CAND1: variants seen among roughly 807,000 people sequenced by gnomAD.
CAND1 encodes the protein cullin associated and neddylation dissociated 1.
In CAND1, 7 loss-of-function variants were observed where a neutral mutation model predicts 108.5. The observed-to-expected ratio is 0.06, with a 90% confidence interval of 0.04 to 0.12. The LOEUF is 0.12. Ranked by LOEUF, CAND1 falls within the 10% of genes least tolerant of loss-of-function variation. The pLI is 1.00. For synonymous variants in CAND1, 534 were observed against 512.0 expected, an observed-to-expected ratio of 1.04 and a Z score of -0.58; for missense variants, 941 against 1,448.7, an observed-to-expected ratio of 0.65 and a Z score of 5.69.
At chr12:67,273,349 TA>T (rs1367776726) in intron 1 of CAND1, among the ~76,000 whole-genome samples, 10 of 152,108 alleles carry the variant, frequency 6.6e-5, no homozygotes, top group Non-Finnish European at 1.5e-4. Flanking sequence ...GTAAACCTTA[TA>T]ATGTAGCCAA....
Position 67,310,190 on chromosome 12 carries a change from T to G in CAND1, c.3234T>G (p.Gly1078=). 1 of 1,613,132 alleles carries G rather than the reference T, an allele frequency of 6.2e-7. No individual in the cohort carries two copies. The highest frequency in any genetic ancestry group is 8.5e-7 in the Non-Finnish European group (1 of 1,179,346). ...MGPFKHTVDD[G]LDIRKAAFEC... is the part of the protein sequence containing the mutation. ...CATTTAAACATACGGTTGATGATGG[T>G]CTGGATATTAGAAAGGCAGCATTTG... The change falls in exon 13 of 15, where the codon GGT becomes GGG. Residue 1078 remains glycine (G), a synonymous_variant. Coordinates refer to ENST00000545606, the MANE Select transcript of CAND1 (RefSeq NM_018448.5).
chr12:67,297,676 T>C lies in CAND1; in HGVS notation c.748+13T>C. 1.2e-6 allele frequency: 2 copies of C among 1,601,078 alleles called. No individual in the cohort carries two copies. The highest frequency in any genetic ancestry group is 1.1e-5 in the South Asian group (1 of 88,666). ...GGTCATAGAATAGGTAAGAAATCTT[T>C]AAAAGTTTTACAGTTTTCTTTAATT... is the stretch of plus-strand genomic sequence containing the variant. On this transcript the variant is annotated intron_variant, in intron 5 of 14. Coordinates refer to ENST00000545606, the MANE Select transcript of CAND1 (RefSeq NM_018448.5).
chr12:67,306,222 A>C lies in CAND1; in HGVS notation c.2554A>C (p.Ser852Arg), dbSNP rs2044883325. 6.2e-7 allele frequency: 1 copy of C among 1,614,012 alleles called. No homozygotes were observed. Among genetic ancestry groups the C allele is most frequent in the Non-Finnish European group, 8.5e-7 (1 of 1,179,996 alleles). ...LGEVGHHIDL[S>R]GQLELKSVIL... ...AGAAGTTGGGCATCATATTGACTTA[A>C]GTGGACAGTTGGAACTAAAATCTGT... is the stretch of plus-strand genomic sequence containing the variant. Residue 852 changes from serine to arginine, a missense_variant, in exon 10 of 15, where the codon AGT becomes CGT. Coordinates refer to ENST00000545606, the MANE Select transcript of CAND1 (RefSeq NM_018448.5).
intron 2 of CAND1, among the ~76,000 whole-genome samples, chr12:67,290,540 G>T (rs2044713184): frequency 6.6e-6 from 1 of 151,842 alleles, no homozygotes; most frequent in African/African-American, 2.4e-5. Context: ...CTAAAAATCT[G>T]ACTGTTAATG....
At chr12:67,289,394 A>G (rs948170700) in intron 2 of CAND1, among the ~76,000 whole-genome samples, 37 of 151,870 alleles carry the variant, frequency 2.4e-4, no homozygotes, top group African/African-American at 8.9e-4. Context: ...TAATAATAAC[A>G]TTCTCTTTTT....
chr12:67,302,271 G>C (rs561650489), intron 7 of CAND1, 52 bp from the exon 8 acceptor site: 3 of 1,479,090 alleles, frequency 2.0e-6, no homozygotes, highest in Non-Finnish European at 1.8e-6. Flanking sequence ...TGTTTTAAAT[G>C]ATATACTTCT....
intron 11 of CAND1, among the ~76,000 whole-genome samples, chr12:67,309,622 G>A (rs2044927567): frequency 6.6e-6 from 1 of 151,918 alleles, no homozygotes; most frequent in South Asian, 2.1e-4. Flanking sequence ...AAGTGATATT[G>A]AGGAACTTTA....
At chr12:67,274,830 C>T (rs1384310063) in intron 1 of CAND1, among the ~76,000 whole-genome samples, 1 of 152,048 alleles carries the variant, frequency 6.6e-6, no homozygotes, top group East Asian at 1.9e-4. Context: ...AAAAAAAACT[C>T]AAGCCTTTTA....
At chr12:67,291,345 A>G (rs1024513306) in intron 2 of CAND1, among the ~76,000 whole-genome samples, 1 of 152,202 alleles carries the variant, frequency 6.6e-6, no homozygotes, top group Non-Finnish European at 1.5e-5. Context: ...TAAAAGGCAC[A>G]TTGTTTTATA....
chr12:67,294,348 C>G (rs114261701), intron 3 of CAND1, among the ~76,000 whole-genome samples: 8 of 151,806 alleles, frequency 5.3e-5, no homozygotes, highest in Non-Finnish European at 7.4e-5. Flanking sequence ...AATGAAGTTA[C>G]GGAATCTTTG....
chr12:67,312,394 T>C (rs976444288), intron 14 of CAND1, among the ~76,000 whole-genome samples: 2 of 152,134 alleles, frequency 1.3e-5, no homozygotes, highest in African/African-American at 4.8e-5. Context: ...AGATTTTCTG[T>C]TTTTATAATG....
rs73320788 is a variant in CAND1 at position 67,317,860 on chromosome 12, C to T, written c.*5030C>T. 13,438 of 152,324 alleles carry T rather than the reference C, an allele frequency of 0.088. 1,303 individuals carry two copies. Among genetic ancestry groups the T allele is most frequent in the African/African-American group, 0.24 (10,008 of 41,496 alleles). The allele number at this position is 152,324 out of a possible 1,614,324, so 9.4% of individuals were successfully genotyped here. A position where few individuals can be genotyped will look rare whatever the true frequency, so the allele number is the denominator to read the frequency against. On this transcript the variant is annotated 3_prime_UTR_variant, in exon 15 of 15. Coordinates refer to ENST00000545606, the MANE Select transcript of CAND1 (RefSeq NM_018448.5). ...ATATCCAACCACCTGCTATACATCT[C>T]ATAAAGGTATCTCAAACACAGCATA...
chr12:67,277,574 CAAG>C (rs772580277), intron 1 of CAND1, among the ~76,000 whole-genome samples: 9 of 151,972 alleles, frequency 5.9e-5, no homozygotes, highest in Non-Finnish European at 1.3e-4. Flanking sequence ...TGAAATAGGC[CAAG>C]AAGAAGATGC....
At chr12:67,271,523 A>T (rs2044520819) in intron 1 of CAND1, among the ~76,000 whole-genome samples, 1 of 152,254 alleles carries the variant, frequency 6.6e-6, no homozygotes, top group South Asian at 2.1e-4. Flanking sequence ...GATACCATAC[A>T]TGTGATTATT....
At chr12:67,269,809 C>T (rs754804687) in intron 1 of CAND1, 24 bp downstream of exon 1, 8 of 1,592,160 alleles carry the variant, frequency 5.0e-6, no homozygotes, top group South Asian at 1.1e-5. Context: ...CCGACCCTCA[C>T]CCCACCTCGG....
In CAND1 at chr12:67,305,719, G is replaced by A; in HGVS notation, c.2051G>A (p.Ser684Asn). 3.1e-6 allele frequency: 5 copies of A among 1,614,174 alleles called. No individual in the cohort carries two copies. Among genetic ancestry groups the A allele is most frequent in the Admixed American group, 1.7e-5 (1 of 60,016 alleles). ...LDILIKNYSD[S>N]LTAAMIDAVL... ...ATTCTAATAAAAAACTATAGTGACA[G>A]CTTGACAGCTGCCATGATTGATGCA... is the stretch of plus-strand genomic sequence containing the variant. Residue 684 changes from serine (S) to asparagine (N), a missense_variant, in exon 10 of 15, where the codon AGC becomes AAC. By Grantham distance (46) the Ser-to-Asn change is conservative. Coordinates refer to ENST00000545606, the MANE Select transcript of CAND1 (RefSeq NM_018448.5). The surrounding 1 kb of genome is among the most constrained non-coding windows in gnomAD (Gnocchi z 4.4).
At chr12:67,286,528 T>A (rs1264605986) in intron 2 of CAND1, among the ~76,000 whole-genome samples, 1 of 151,094 alleles carries the variant, frequency 6.6e-6, no homozygotes, top group African/African-American at 2.4e-5. Flanking sequence ...TGATAACTAA[T>A]GATGTCAAGA....
chr12:67,289,724 C>T (rs150444338), intron 2 of CAND1, among the ~76,000 whole-genome samples: 1 of 152,202 alleles, frequency 6.6e-6, no homozygotes, highest in Non-Finnish European at 1.5e-5. Context: ...CTTTTAACTT[C>T]ACTCCCAATT....
intron 2 of CAND1, among the ~76,000 whole-genome samples, chr12:67,291,813 G>T (rs1252419): frequency 0.49 from 74,474 of 151,914 alleles, 19,572 homozygotes; most frequent in Non-Finnish European, 0.59. Context: ...TATGTTGGAT[G>T]GAACTTCCAT....
Sources: allele counts gnomAD v4.1 joint callset (sites outside exome capture counted in the v4.1 genomes callset), GRCh38; gene constraint gnomAD v4.1.1; non-coding constraint Gnocchi (gnomAD v3.1); transcripts MANE v1.5; gene names NCBI Gene and HGNC (gene_info 2026-07-23, HGNC 2026-07-21).